The following MYO3A variants were observed in gnomAD, a reference collection of about 807,000 sequenced individuals.
MYO3A encodes the protein myosin IIIA, also known as myosin-IIIa.
MYO3A carries 180 observed loss-of-function variants against 192.7 expected under a neutral mutation model. The observed-to-expected ratio is 0.93, with a 90% CI of 0.83 to 1.06. MYO3A has a LOEUF of 1.06. Among genes scored for constraint, MYO3A ranks in the 50% least tolerant of loss-of-function variants. The pLI, the probability that MYO3A is intolerant of heterozygous loss-of-function variation, is 0.00. For missense variants in MYO3A, 1,896 were observed against 1,905.0 expected, an observed-to-expected ratio of 1.00 and a Z score of 0.09; for synonymous variants, 628 against 645.3, an observed-to-expected ratio of 0.97 and a Z score of 0.41.
chr10:26,076,342 A>T (rs1356406997), intron 14 of MYO3A, among the ~76,000 whole-genome samples: 2 of 151,350 alleles, frequency 1.3e-5, no homozygotes, highest in Non-Finnish European at 3.0e-5. Context: ...TTTTGATGAG[A>T]TTGTTTGTTT....
At chr10:25,956,302 A>G (rs988005122) in intron 4 of MYO3A, among the ~76,000 whole-genome samples, 10 of 151,754 alleles carry the variant, frequency 6.6e-5, no homozygotes, top group Admixed American at 5.9e-4. Flanking sequence ...TATAAATTAT[A>G]TTAAGACTTT....
At chr10:25,944,731 C>A (rs549574563) in intron 2 of MYO3A, among the ~76,000 whole-genome samples, 1 of 152,004 alleles carries the variant, frequency 6.6e-6, no homozygotes, top group Admixed American at 6.5e-5. Flanking sequence ...ATTTTTAATT[C>A]TCTGTAATTG....
In MYO3A at chr10:25,996,247, A is replaced by G. The variant is rs193065707; in HGVS notation, c.304-243A>G. ...TTCTTATCCTTGCATTTGAAAATCA[A>G]GCTCATGCTTCTCCAAATTATCTTC... On this transcript the variant is annotated intron_variant, in intron 4 of 34. Transcript: ENST00000642920. 3.7e-3 allele frequency among the ~76,000 whole-genome samples: 570 copies of G among 152,300 alleles called. 4 individuals are homozygous for G. The highest frequency in any genetic ancestry group is 6.1e-3 in the Non-Finnish European group (413 of 68,014).
intron 20 of MYO3A, among the ~76,000 whole-genome samples, chr10:26,137,790 G>A (rs571783555): frequency 6.6e-6 from 1 of 152,294 alleles, no homozygotes; most frequent in Non-Finnish European, 1.5e-5. Flanking sequence ...GTCCTATGTG[G>A]TTGAGATAAG....
Position 26,174,244 on chromosome 10 carries a change from G to A in MYO3A, c.3980G>A (p.Arg1327Lys), listed in dbSNP as rs756686244. 3 of 1,614,130 alleles carry A rather than the reference G, an allele frequency of 1.9e-6. No homozygotes were observed. Among genetic ancestry groups the A allele is most frequent in the Non-Finnish European group, 2.5e-6 (3 of 1,180,026 alleles). Residue 1327 changes from arginine to lysine, a missense_variant, in exon 30 of 35, where the codon AGG becomes AAG. By Grantham distance (26) the Arg-to-Lys change is conservative. Coordinates refer to ENST00000642920, the MANE Select transcript of MYO3A (RefSeq NM_017433.5). ...CAGGAGGAAGGCAGAGGCCGTCTGAGGCATGAGACAGTCAAAGAGAGGCAA... is the reference window on the plus strand; with the variant it reads ...CAGGAGGAAGGCAGAGGCCGTCTGAAGCATGAGACAGTCAAAGAGAGGCAA... ...CSQEEGRGRL[R>K]HETVKERQVE...
intron 34 of MYO3A, among the ~76,000 whole-genome samples, chr10:26,209,256 C>T (rs151077989): frequency 6.6e-6 from 1 of 152,306 alleles, no homozygotes; most frequent in African/African-American, 2.4e-5. Flanking sequence ...CTATCATTGA[C>T]TCAAGGACAT....
Position 26,212,418 on chromosome 10 carries a change from G to GA in MYO3A, c.*461dup, listed in dbSNP as rs1844270307. 1 of 272,610 alleles carries GA rather than the reference G, an allele frequency of 3.7e-6. No individual in the cohort carries two copies. The highest frequency in any genetic ancestry group is 6.8e-6 in the Non-Finnish European group (1 of 147,308). The allele number at this position is 272,610 out of a possible 1,614,324, so 16.9% of individuals were successfully genotyped here. ...CACTTGCTAGCGGTTGAATCTTAGA[G>GA]AAAAAAGCCCGGGAGGGGTGGGGAG... On this transcript the variant is annotated 3_prime_UTR_variant, in exon 35 of 35. Coordinates refer to ENST00000642920, the MANE Select transcript of MYO3A (RefSeq NM_017433.5).
chr10:25,993,492 T>A (rs1840193444), intron 4 of MYO3A, among the ~76,000 whole-genome samples: 1 of 152,124 alleles, frequency 6.6e-6, no homozygotes, highest in African/African-American at 2.4e-5. Context: ...TTTTGAAGGG[T>A]TTTTTGTGTC....
chr10:26,019,237 TTATTTATTTATTTATTTA>T (rs1842152082), intron 7 of MYO3A, among the ~76,000 whole-genome samples: 1 of 132,814 alleles, frequency 7.5e-6, no homozygotes, highest in African/African-American at 3.3e-5. Flanking sequence ...ATTTATTTAT[TTATTTATTTATTTATTTA>T]TTTATTTATT....
intron 19 of MYO3A, among the ~76,000 whole-genome samples, chr10:26,128,069 G>A (rs956324186): frequency 3.3e-5 from 5 of 152,046 alleles, no homozygotes; most frequent in African/African-American, 1.2e-4. Context: ...TTCCCAAGTT[G>A]TTCTTGTAAT....
At chr10:26,062,482 A>G (rs965352541) in intron 10 of MYO3A, among the ~76,000 whole-genome samples, 1 of 115,548 alleles carries the variant, frequency 8.7e-6, no homozygotes, top group African/African-American at 3.1e-5. Context: ...ACACCACTGC[A>G]CTCTGGCCTG....
chr10:26,077,726 A>G (rs1835681274), intron 14 of MYO3A, among the ~76,000 whole-genome samples: 1 of 152,094 alleles, frequency 6.6e-6, no homozygotes, highest in Non-Finnish European at 1.5e-5. Flanking sequence ...GATTTTGTCA[A>G]ATGCTTTTCC....
chr10:26,131,122 C>T (rs549472751), intron 20 of MYO3A, among the ~76,000 whole-genome samples: 43 of 152,298 alleles, frequency 2.8e-4, no homozygotes, highest in Non-Finnish European at 4.9e-4. Flanking sequence ...GATGAAACAC[C>T]TCTGTTCCTG....
intron 14 of MYO3A, among the ~76,000 whole-genome samples, chr10:26,073,783 T>C (rs933793253): frequency 2.6e-5 from 4 of 152,166 alleles, no homozygotes; most frequent in African/African-American, 7.2e-5. Flanking sequence ...TTTAAAACAA[T>C]ACAGACAGAA....
intron 14 of MYO3A, among the ~76,000 whole-genome samples, chr10:26,074,688 G>A (rs980703943): frequency 2.0e-5 from 3 of 149,918 alleles, no homozygotes; most frequent in African/African-American, 4.9e-5. Context: ...TAATCCACAG[G>A]CTGCCATTTC....
intron 4 of MYO3A, among the ~76,000 whole-genome samples, chr10:25,993,555 C>T (rs1002421249): frequency 6.6e-6 from 1 of 152,130 alleles, no homozygotes; most frequent in South Asian, 2.1e-4. Flanking sequence ...CTTCTGCTAG[C>T]TTTTGAATGT....
At chr10:26,191,617 T>A (rs914896079) in intron 31 of MYO3A, among the ~76,000 whole-genome samples, 4 of 152,228 alleles carry the variant, frequency 2.6e-5, no homozygotes, top group African/African-American at 7.2e-5. Flanking sequence ...TTAGCTGATC[T>A]CCTTTGTCAC....
intron 26 of MYO3A, among the ~76,000 whole-genome samples, chr10:26,162,269 AGATTGTATGAGAAATTCT>A (rs1182373451): frequency 6.6e-6 from 1 of 152,264 alleles, no homozygotes; most frequent in African/African-American, 2.4e-5. Context: ...AGGATGGTTT[AGATTGTATGAGAAATTCT>A]GATAAAGCAG....
chr10:26,204,459 G>T (rs1285959226), intron 34 of MYO3A: 1 of 152,234 alleles, frequency 6.6e-6, no homozygotes, highest in Non-Finnish European at 1.5e-5. Flanking sequence ...TGATGTCTAT[G>T]GGTGTTATTT....
Sources: gnomAD v4.1 joint callset for allele counts (sites outside exome capture counted in the v4.1 genomes callset) on GRCh38, gnomAD v4.1.1 for gene constraint, MANE v1.5 for transcripts, NCBI Gene and HGNC (gene_info 2026-07-23, HGNC 2026-07-21) for gene names.